The following EEPD1 variants were observed in gnomAD, a reference collection of about 807,000 sequenced individuals.
EEPD1 encodes the protein endonuclease/exonuclease/phosphatase family domain-containing protein 1.
EEPD1 carries 17 observed loss-of-function variants against 46.3 expected under a neutral mutation model. That is an observed-to-expected ratio of 0.37 (90% CI 0.25 to 0.55). EEPD1 has a LOEUF of 0.55. EEPD1 is among the 20% of genes least tolerant of loss of function. The pLI is 0.83. For missense variants in EEPD1, 673 were observed against 745.6 expected (o/e 0.90, Z 1.13); for synonymous variants, 313 against 315.6 (o/e 0.99, Z 0.09).
At chr7:36,214,162 C>T (rs938478932) in intron 2 of EEPD1, among the ~76,000 whole-genome samples, 4 of 152,026 alleles carry the variant, frequency 2.6e-5, no homozygotes, top group Admixed American at 6.5e-5. Flanking sequence ...AGGAATGGAT[C>T]GATTCTGTCC....
At chr7:36,239,161 C>A in intron 3 of EEPD1, 125 bp downstream of exon 3, 2 of 946,654 alleles carry the variant, frequency 2.1e-6, no homozygotes, top group Non-Finnish European at 3.3e-6. Context: ...TTTTGTATTC[C>A]TGACAGCGAA....
intron 3 of EEPD1, among the ~76,000 whole-genome samples, chr7:36,260,831 T>C (rs1786908976): frequency 6.6e-6 from 1 of 152,228 alleles, no homozygotes; most frequent in South Asian, 2.1e-4. Context: ...ATTGAAAATA[T>C]TCAAAAACGA....
chr7:36,219,586 AAAG>A (rs70977120), intron 2 of EEPD1, among the ~76,000 whole-genome samples: 15,124 of 148,116 alleles, frequency 0.1, 990 homozygotes, highest in Admixed American at 0.16. Context: ...GGAAAGAAGA[AAAG>A]AAGAAGAAGG....
At chr7:36,155,681 A>G (rs983513770) in intron 2 of EEPD1, among the ~76,000 whole-genome samples, 1 of 152,210 alleles carries the variant, frequency 6.6e-6, no homozygotes, top group African/African-American at 2.4e-5. Flanking sequence ...AAGTGTCTAT[A>G]TTTACCAAAA....
intron 3 of EEPD1, among the ~76,000 whole-genome samples, chr7:36,252,276 G>C (rs1235285349): frequency 6.6e-6 from 1 of 152,204 alleles, no homozygotes; most frequent in Non-Finnish European, 1.5e-5. Flanking sequence ...GTTGCCTTTT[G>C]CAGTTGTTTG....
At chr7:36,244,433 C>G (rs564108509) in intron 3 of EEPD1, among the ~76,000 whole-genome samples, 2 of 152,296 alleles carry the variant, frequency 1.3e-5, no homozygotes, top group South Asian at 4.1e-4. Flanking sequence ...AAAATAAGTG[C>G]TTTTTCTTGC....
At chr7:36,282,998 C>T (rs1787284041) in intron 4 of EEPD1, among the ~76,000 whole-genome samples, 1 of 151,936 alleles carries the variant, frequency 6.6e-6, no homozygotes, top group African/African-American at 2.4e-5. Context: ...GAAAGTGGGC[C>T]ATTTCTCCGA....
chr7:36,260,247 T>A (rs1483378352), intron 3 of EEPD1, among the ~76,000 whole-genome samples: 1 of 152,216 alleles, frequency 6.6e-6, no homozygotes, highest in Admixed American at 6.5e-5. Flanking sequence ...GCAGGTCTGT[T>A]AGCAACAAAT....
rs943030426 is a variant in EEPD1 at position 36,294,625 on chromosome 7, AT to A, written c.1316-2359del. Among the ~76,000 whole-genome samples the A allele has an allele frequency of 1.3e-3, 196 of 151,938 alleles. 1 individual carries two copies. The highest frequency in any genetic ancestry group is 4.5e-3 in the African/African-American group (185 of 41,422). On this transcript the variant is annotated intron_variant, in intron 6 of 7. Coordinates refer to ENST00000242108, the MANE Select transcript of EEPD1 (RefSeq NM_030636.3). ...CCAGATTGTACTACATTTAAAAAAA[AT>A]TTTTTTTTAACTTTTGTGTGCTTCA... is the stretch of plus-strand genomic sequence containing the variant.
intron 5 of EEPD1, among the ~76,000 whole-genome samples, 154 bp downstream of exon 5, chr7:36,284,974 T>G (rs898179831): frequency 6.6e-6 from 1 of 152,210 alleles, no homozygotes. Flanking sequence ...CTCCTGGGGC[T>G]TCCTTGGCAG....
At chr7:36,219,703 G>A (rs1299925090) in intron 2 of EEPD1, among the ~76,000 whole-genome samples, 1 of 150,654 alleles carries the variant, frequency 6.6e-6, no homozygotes, top group Non-Finnish European at 1.5e-5. Context: ...AAGAAGTGGG[G>A]ACCAAAAACA....
chr7:36,168,828 G>A (rs2115621842), intron 2 of EEPD1, among the ~76,000 whole-genome samples: 1 of 151,780 alleles, frequency 6.6e-6, no homozygotes, highest in African/African-American at 2.4e-5. Flanking sequence ...AGTATGAAGA[G>A]ACAGATTTAA....
At chr7:36,244,812 G>T (rs1371167754) in intron 3 of EEPD1, among the ~76,000 whole-genome samples, 2 of 121,746 alleles carry the variant, frequency 1.6e-5, no homozygotes, top group African/African-American at 6.2e-5. Context: ...TTGCCCTGTT[G>T]CCCAGGCTGG....
At chr7:36,164,738 C>T (rs1418708182) in intron 2 of EEPD1, among the ~76,000 whole-genome samples, 1 of 152,102 alleles carries the variant, frequency 6.6e-6, no homozygotes, top group Non-Finnish European at 1.5e-5. Context: ...TGTATATGTT[C>T]CCAGAAGATT....
chr7:36,265,154 C>T (rs1341002445), intron 3 of EEPD1, among the ~76,000 whole-genome samples: 1 of 152,188 alleles, frequency 6.6e-6, no homozygotes, highest in East Asian at 1.9e-4. Flanking sequence ...AAAATGGCAA[C>T]CAGAGCGATT....
intron 2 of EEPD1, among the ~76,000 whole-genome samples, chr7:36,205,160 G>A (rs995348230): frequency 6.6e-6 from 1 of 152,156 alleles, no homozygotes; most frequent in Admixed American, 6.5e-5. Flanking sequence ...GATGGACAGG[G>A]AGGGGGGTCA....
intron 2 of EEPD1, among the ~76,000 whole-genome samples, chr7:36,215,227 G>A (rs1474588492): frequency 1.3e-5 from 2 of 152,166 alleles, no homozygotes; most frequent in African/African-American, 4.8e-5. Flanking sequence ...CTGTGACTCT[G>A]CACCCCGCAG....
intron 6 of EEPD1, among the ~76,000 whole-genome samples, chr7:36,291,861 G>A (rs977940927): frequency 5.9e-5 from 9 of 152,226 alleles, no homozygotes; most frequent in Non-Finnish European, 1.3e-4. Context: ...GGGTCAAGCA[G>A]AGCCCAGGGG....
At chr7:36,217,678 G>A (rs1786053172) in intron 2 of EEPD1, among the ~76,000 whole-genome samples, 1 of 152,166 alleles carries the variant, frequency 6.6e-6, no homozygotes, top group Admixed American at 6.5e-5. Context: ...CCTGTGAAAT[G>A]TGCTCTTATA....
Sources: allele counts gnomAD v4.1 joint callset (sites outside exome capture counted in the v4.1 genomes callset), GRCh38; gene constraint gnomAD v4.1.1; transcripts MANE v1.5; gene names NCBI Gene and HGNC (gene_info 2026-07-23, HGNC 2026-07-21).